TKFC: variants seen among roughly 807,000 people sequenced by gnomAD.
The protein encoded by TKFC is triokinase/FMN cyclase.
TKFC carries 46 observed loss-of-function variants against 61.0 expected under a neutral mutation model. The ratio of observed to expected loss-of-function variants is 0.75; its 90% CI spans 0.60 to 0.96. TKFC has a LOEUF of 0.96. Among genes scored for constraint, TKFC ranks in the 50% least tolerant of loss-of-function variants. The pLI, the probability that TKFC is intolerant of heterozygous loss-of-function variation, is 0.00. For missense variants in TKFC, 715 were observed against 777.5 expected, an observed-to-expected ratio of 0.92 and a Z score of 0.96; for synonymous variants, 314 against 330.1, an observed-to-expected ratio of 0.95 and a Z score of 0.53.
rs1443361755 is a variant in TKFC at position 61,334,702 on chromosome 11, C to T, written c.-27C>T. The T allele has an allele frequency of 6.2e-7, 1 of 1,613,952 alleles. No individual in the cohort carries two copies. Among genetic ancestry groups the T allele is most frequent in the Non-Finnish European group, 8.5e-7 (1 of 1,180,002 alleles). On this transcript the variant is annotated 5_prime_UTR_variant, in exon 2 of 18. Transcript: ENST00000394900. ...CAGCAGCTCAGTGCAACGGTGTGAA[C>T]TCAGCCTGTTTCAGAGCCTCCACAC...
chr11:61,339,652 A>G (rs1856773910), intron 5 of TKFC: 2 of 565,630 alleles, frequency 3.5e-6, no homozygotes, highest in Non-Finnish European at 6.2e-6. Context: ...TCCACACCCA[A>G]TCAGTTGCCC....
intron 5 of TKFC, among the ~76,000 whole-genome samples, chr11:61,341,050 T>C (rs1033775976): frequency 4.6e-5 from 7 of 151,630 alleles, no homozygotes; most frequent in Admixed American, 2.6e-4. Flanking sequence ...TTGGTAAAAA[T>C]TGGGTGGATG....
At chr11:61,343,251 A>G (rs553015692) in intron 10 of TKFC, 91 bp from the exon 11 acceptor site, 2 of 1,214,836 alleles carry the variant, frequency 1.6e-6, no homozygotes, top group South Asian at 2.6e-5. Flanking sequence ...CCGACCTCAG[A>G]GCCCCAGCTT....
At chr11:61,340,143 T>TG (rs2135012722) in intron 5 of TKFC, among the ~76,000 whole-genome samples, 1 of 152,274 alleles carries the variant, frequency 6.6e-6, no homozygotes, top group South Asian at 2.1e-4. Flanking sequence ...CCCGAGTAGC[T>TG]GGGATTACAA....
chr11:61,342,972 T>G, intron 10 of TKFC, 128 bp downstream of exon 10: 1 of 911,316 alleles, frequency 1.1e-6, no homozygotes, highest in South Asian at 1.5e-5. Context: ...TGCCACCTAA[T>G]TGCCGGATAC....
At chr11:61,350,794 G>A (rs1857367980), downstream of TKFC, 1 of 710,906 alleles carries the variant, frequency 1.4e-6, no homozygotes, top group Non-Finnish European at 2.2e-6. Context: ...ACAGACTGGG[G>A]AGTCCCAGCA....
intron 3 of TKFC, 80 bp downstream of exon 3, chr11:61,338,210 T>C (rs1188958138): frequency 1.8e-5 from 24 of 1,358,462 alleles, no homozygotes; most frequent in Non-Finnish European, 2.1e-5. Context: ...TGCCATGAAG[T>C]GCAGGATGGA....
chr11:61,344,663 C>T (rs973130941), intron 13 of TKFC, among the ~76,000 whole-genome samples: 2 of 152,074 alleles, frequency 1.3e-5, no homozygotes, highest in Non-Finnish European at 2.9e-5. Context: ...CACACCCGGC[C>T]GACAGGGACC....
Position 61,344,100 on chromosome 11 carries a change from C to T in TKFC, c.1103-36C>T, listed in dbSNP as rs752901625. On this transcript the variant is annotated intron_variant, in intron 12 of 17. Transcript: ENST00000394900. ...AGTCAAGTGTGGTTGTGAGAAGGGC[C>T]TGGTGGGCCTGTTCTTCAGCATCCT... The T allele has an allele frequency of 2.5e-5, 40 of 1,609,896 alleles. No individual in the cohort carries two copies. In the East Asian group the frequency reaches 8.9e-4, roughly 36 times the overall value.
At chr11:61,350,810 C>G (rs1449651348), downstream of TKFC, 4 of 818,172 alleles carry the variant, frequency 4.9e-6, no homozygotes, top group Non-Finnish European at 5.5e-6. Context: ...CAGCATTTCA[C>G]TGGGATGCGC....
Position 61,346,672 on chromosome 11 carries a change from C to T in TKFC, c.*169C>T. The T allele has an allele frequency of 7.0e-7, 1 of 1,428,972 alleles. No individual in the cohort carries two copies. The highest frequency in any genetic ancestry group is 9.1e-7 in the Non-Finnish European group (1 of 1,094,718). 88.5% of individuals were successfully genotyped at this position (1,428,972 alleles called of 1,614,324 possible). ...ACCAAGCTTCCAGAACTACAGACAG[C>T]ACCCAGAGTGAGCTGGAGTGGGTCC... On this transcript the variant is annotated 3_prime_UTR_variant, in exon 18 of 18. Transcript: ENST00000394900. The surrounding 1 kb of genome is among the most constrained non-coding windows in gnomAD (Gnocchi z 4.1).
chr11:61,347,198 C>T lies in TKFC; in HGVS notation c.*695C>T. The T allele has an allele frequency of 4.1e-6, 4 of 985,360 alleles. No individual in the cohort carries two copies. Among genetic ancestry groups the T allele is most frequent in the Non-Finnish European group, 4.8e-6 (4 of 829,954 alleles). 61.0% of individuals were successfully genotyped at this position (985,360 alleles called of 1,614,324 possible). Reference sequence around the variant, plus strand: ...TCGGGAGTCGAATGGGCATTTGGGACACCAGAAGGAAAAGAAATCATCATA... The same window carrying T: ...TCGGGAGTCGAATGGGCATTTGGGATACCAGAAGGAAAAGAAATCATCATA... On this transcript the variant is annotated 3_prime_UTR_variant, in exon 18 of 18. Transcript: ENST00000394900.
downstream of TKFC, chr11:61,353,049 C>T (rs202143954): frequency 2.9e-5 from 46 of 1,613,904 alleles, 1 homozygote; most frequent in African/African-American, 4.0e-5. Context: ...GAGAGGATGG[C>T]GGCTCCAAAA....
At position 61,341,438 on chromosome 11, in the gene TKFC, G is replaced by A. The variant is rs1236106548; in HGVS notation, c.489G>A (p.Val163=). 1.5e-5 allele frequency: 23 copies of A among 1,553,404 alleles called. No homozygotes were observed. The highest frequency in any genetic ancestry group is 3.6e-5 in the South Asian group (3 of 84,202). Reference sequence around the variant, plus strand: ...CTTTTACCTCTTTGTGGCTGCAGGTGGCAGGTGCTCTGGCTGAGGCTGGTG... The same window carrying A: ...CTTTTACCTCTTTGTGGCTGCAGGTAGCAGGTGCTCTGGCTGAGGCTGGTG... ...GLCGTVLIHK[V]AGALAEAGVG... The change falls in exon 6 of 18, where the codon GTG becomes GTA. Residue 163 remains valine (V), a splice_region_variant and synonymous_variant. Transcript: ENST00000394900.
chr11:61,350,260 C>T (rs140016863), downstream of TKFC: 4,538 of 1,147,342 alleles, frequency 4.0e-3, 27 homozygotes, highest in Middle Eastern at 7.2e-3. Flanking sequence ...GGCAGGCCAG[C>T]ACCCAGGCAA....
At chr11:61,352,848 G>T, downstream of TKFC, 1 of 1,503,832 alleles carries the variant, frequency 6.6e-7, no homozygotes, top group Non-Finnish European at 8.8e-7. Context: ...GATCAATTCT[G>T]TTACCTTCCA....
At position 61,343,243 on chromosome 11, in the gene TKFC, G is replaced by A. The variant is rs545781278; in HGVS notation, c.866-99G>A. 1.2e-4 allele frequency: 130 copies of A among 1,122,642 alleles called. No individual in the cohort carries two copies. The African/African-American group carries it at 1.7e-3, about 15-fold the overall frequency. 69.5% of individuals were successfully genotyped at this position (1,122,642 alleles called of 1,614,324 possible). A position where few individuals can be genotyped will look rare whatever the true frequency, so the allele number is the denominator to read the frequency against. On this transcript the variant is annotated intron_variant, in intron 10 of 17. Coordinates refer to ENST00000394900, the MANE Select transcript of TKFC (RefSeq NM_015533.4). ...GAGGAAATCAGGACATCTCCCTCCC[G>A]ACCTCAGAGCCCCAGCTTCCAAGGT...
In TKFC at chr11:61,343,975, G is replaced by A. The variant is rs745562963; in HGVS notation, c.1102G>A (p.Gly368Ser). ...GGCCCCTGATTCCACTGCTGCAGGA[G>A]GTACCAACCCCTGCCTTTGGGGAAG... is the stretch of plus-strand genomic sequence containing the variant. ...QEAPDSTAAGGSASKRMALVL... is the reference protein window; with the variant it reads ...QEAPDSTAAGSSASKRMALVL... The change falls in exon 12 of 18, where the codon GGC becomes AGC. Residue 368 changes from glycine (G) to serine (S), a missense_variant and splice_region_variant. By Grantham distance (56) the Gly-to-Ser change is moderately conservative. Transcript: ENST00000394900. 6.2e-7 allele frequency: 1 copy of A among 1,610,868 alleles called. No individual in the cohort carries two copies. The highest frequency in any genetic ancestry group is 8.5e-7 in the Non-Finnish European group (1 of 1,179,824).
At chr11:61,351,058 A>G, downstream of TKFC, 1 of 1,614,060 alleles carries the variant, frequency 6.2e-7, no homozygotes, top group Non-Finnish European at 8.5e-7. Flanking sequence ...GTAGAGCACC[A>G]GCAGCCCAAA....
Sources: gnomAD v4.1 joint callset for allele counts (sites outside exome capture counted in the v4.1 genomes callset) on GRCh38, gnomAD v4.1.1 for gene constraint, Gnocchi (gnomAD v3.1) non-coding constraint, MANE v1.5 for transcripts, NCBI Gene and HGNC (gene_info 2026-07-23, HGNC 2026-07-21) for gene names.